The following CMTM8 variants were observed in gnomAD, a reference collection of about 807,000 sequenced individuals.
CMTM8 encodes the protein CKLF like MARVEL transmembrane domain containing 8, also known as CKLF-like MARVEL transmembrane domain-containing protein 8.
Under a neutral mutation model 18.6 loss-of-function variants are expected in CMTM8, and 12 were observed. That is an observed-to-expected ratio of 0.65 (90% CI 0.41 to 1.05). CMTM8 has a LOEUF of 1.05. CMTM8 is among the 50% of genes least tolerant of loss of function. The pLI, the probability that CMTM8 is intolerant of heterozygous loss-of-function variation, is 0.00. For missense variants in CMTM8, 217 were observed against 227.2 expected, an observed-to-expected ratio of 0.95 and a Z score of 0.29; for synonymous variants, 87 against 90.6, an observed-to-expected ratio of 0.96 and a Z score of 0.23.
At chr3:32,311,006 C>A (rs1695809542) in intron 1 of CMTM8, among the ~76,000 whole-genome samples, 1 of 152,112 alleles carries the variant, frequency 6.6e-6, no homozygotes, top group African/African-American at 2.4e-5. Flanking sequence ...GCATAGCCAA[C>A]AATACTGCAC....
At chr3:32,356,303 C>T (rs1696812660) in intron 1 of CMTM8, among the ~76,000 whole-genome samples, 3 of 152,318 alleles carry the variant, frequency 2.0e-5, no homozygotes, top group South Asian at 4.1e-4. Context: ...ACCCTGGACT[C>T]CTGTTGCTGT....
At chr3:32,262,232 C>G (rs1167576809) in intron 1 of CMTM8, among the ~76,000 whole-genome samples, 1 of 152,150 alleles carries the variant, frequency 6.6e-6, no homozygotes, top group Non-Finnish European at 1.5e-5. Context: ...CTGTGGACTG[C>G]CACAGAAAAA....
chr3:32,362,243 G>A (rs889516033), intron 2 of CMTM8, among the ~76,000 whole-genome samples: 22 of 151,714 alleles, frequency 1.5e-4, no homozygotes, highest in Non-Finnish European at 2.2e-4. Flanking sequence ...GGGTTTCACC[G>A]TGTTAGCCAG....
intron 2 of CMTM8, among the ~76,000 whole-genome samples, chr3:32,357,905 G>A (rs187050960): frequency 2.0e-5 from 3 of 152,282 alleles, no homozygotes; most frequent in East Asian, 1.9e-4. Flanking sequence ...TCTGCAGATC[G>A]TGCTTCCTAT....
intron 1 of CMTM8, among the ~76,000 whole-genome samples, chr3:32,313,479 A>G (rs1339953430): frequency 1.3e-5 from 2 of 152,022 alleles, no homozygotes; most frequent in Non-Finnish European, 2.9e-5. Context: ...ATTTTTTGGT[A>G]TTTTTAATAG....
Position 32,369,993 on chromosome 3 carries a change from A to C in CMTM8, c.*26A>C, listed in dbSNP as rs1259489739. ...TTTACCATTTTGATAATTAAAAGGA[A>C]AAAAAAAGGAAGACTCTCACTGTAA... On this transcript the variant is annotated 3_prime_UTR_variant, in exon 4 of 4. Transcript: ENST00000307526. The C allele has an allele frequency of 7.2e-7, 1 of 1,388,330 alleles. No individual in the cohort carries two copies. Among genetic ancestry groups the C allele is most frequent in the East Asian group, 2.3e-5 (1 of 42,838 alleles). 86.0% of individuals were successfully genotyped at this position (1,388,330 alleles called of 1,614,324 possible).
At chr3:32,252,485 A>G (rs1449906094) in intron 1 of CMTM8, among the ~76,000 whole-genome samples, 1 of 152,168 alleles carries the variant, frequency 6.6e-6, no homozygotes, top group Middle Eastern at 3.2e-3. Context: ...CTGATGCCAA[A>G]TCTTACCATC....
chr3:32,241,540 G>T (rs1701945912), intron 1 of CMTM8, among the ~76,000 whole-genome samples: 2 of 152,190 alleles, frequency 1.3e-5, no homozygotes, highest in African/African-American at 4.8e-5. Flanking sequence ...ATGCTGTGCT[G>T]CTGGGTGATT....
rs528225278 is a variant in CMTM8, at chr3:32,316,433, T to C, written c.148-40940T>C. ...GTTCCCCTGAGAATAATTCTAACTTTCCCAGATCCTTGGTGTTTACACATT... is the reference window on the plus strand; with the variant it reads ...GTTCCCCTGAGAATAATTCTAACTTCCCCAGATCCTTGGTGTTTACACATT... On this transcript the variant is annotated intron_variant, in intron 1 of 3. Coordinates refer to ENST00000307526, the MANE Select transcript of CMTM8 (RefSeq NM_178868.5). 4.3e-4 allele frequency among the ~76,000 whole-genome samples: 66 copies of C among 152,334 alleles called. 1 individual carries two copies. In the South Asian group the frequency reaches 0.013, roughly 30 times the overall value.
intron 1 of CMTM8, among the ~76,000 whole-genome samples, chr3:32,296,436 G>C (rs376940614): frequency 2.6e-5 from 4 of 152,232 alleles, no homozygotes; most frequent in Non-Finnish European, 4.4e-5. Flanking sequence ...TAGTTGAAGC[G>C]TAGAATAGGA....
At chr3:32,254,911 C>T (rs1471348870) in intron 1 of CMTM8, among the ~76,000 whole-genome samples, 1 of 152,168 alleles carries the variant, frequency 6.6e-6, no homozygotes, top group African/African-American at 2.4e-5. Context: ...CCATTTCTTC[C>T]CAAATCCTCC....
intron 1 of CMTM8, among the ~76,000 whole-genome samples, chr3:32,265,045 A>C (rs1375633486): frequency 6.6e-6 from 1 of 152,110 alleles, no homozygotes; most frequent in African/African-American, 2.4e-5. Flanking sequence ...ACAGATCAAC[A>C]AGACACAAAG....
chr3:32,265,781 G>A (rs1461003198), intron 1 of CMTM8, among the ~76,000 whole-genome samples: 1 of 147,630 alleles, frequency 6.8e-6, no homozygotes, highest in Admixed American at 6.9e-5. Flanking sequence ...TATCACCACC[G>A]ATCCCACAGA....
At chr3:32,359,024 G>A (rs1382895241) in intron 2 of CMTM8, among the ~76,000 whole-genome samples, 6 of 152,238 alleles carry the variant, frequency 3.9e-5, no homozygotes, top group Non-Finnish European at 5.9e-5. Flanking sequence ...CTGTGAACTT[G>A]GAAGAAGAGG....
chr3:32,350,717 G>T (rs867774927), intron 1 of CMTM8, among the ~76,000 whole-genome samples: 2 of 152,140 alleles, frequency 1.3e-5, no homozygotes, highest in Admixed American at 1.3e-4. Context: ...TAGAGACGGG[G>T]TTTCACCATA....
intron 2 of CMTM8, among the ~76,000 whole-genome samples, chr3:32,366,674 A>G (rs6800328): frequency 0.3 from 45,489 of 152,098 alleles, 6,872 homozygotes; most frequent in Middle Eastern, 0.37. Flanking sequence ...GCAAGTATTA[A>G]ATTTGCGTGA....
At chr3:32,254,774 A>T (rs1254950825) in intron 1 of CMTM8, among the ~76,000 whole-genome samples, 1 of 152,196 alleles carries the variant, frequency 6.6e-6, no homozygotes, top group Non-Finnish European at 1.5e-5. Context: ...AAGTTCACCC[A>T]TTCAAAGTAT....
chr3:32,370,045 C>T lies in CMTM8; in HGVS notation c.*78C>T. ...AACAGCTGTAGGTATAATGTATATTCCCAGAGAATTGTATTTAACTAATTA... is the reference window on the plus strand; with the variant it reads ...AACAGCTGTAGGTATAATGTATATTTCCAGAGAATTGTATTTAACTAATTA... On this transcript the variant is annotated 3_prime_UTR_variant, in exon 4 of 4. Coordinates refer to ENST00000307526, the MANE Select transcript of CMTM8 (RefSeq NM_178868.5). 5 of 754,496 alleles carry T rather than the reference C, an allele frequency of 6.6e-6. No individual in the cohort carries two copies. The South Asian group carries it at 1.0e-4, about 16-fold the overall frequency. The allele number at this position is 754,496 out of a possible 1,614,324, so 46.7% of individuals were successfully genotyped here.
At chr3:32,262,557 C>G (rs1418043191) in intron 1 of CMTM8, among the ~76,000 whole-genome samples, 1 of 152,216 alleles carries the variant, frequency 6.6e-6, no homozygotes, top group Non-Finnish European at 1.5e-5. Flanking sequence ...CTAAAACATT[C>G]TAAGGACGTG....
Sources: gnomAD v4.1 joint callset for allele counts (sites outside exome capture counted in the v4.1 genomes callset) on GRCh38, gnomAD v4.1.1 for gene constraint, MANE v1.5 for transcripts, NCBI Gene and HGNC (gene_info 2026-07-23, HGNC 2026-07-21) for gene names.